Variants in NAV2 observed in about 807,000 individuals in gnomAD.
The protein encoded by NAV2 is helicase, APC down-regulated 1.
NAV2 carries 54 observed loss-of-function variants against 223.2 expected under a neutral mutation model. The observed-to-expected ratio is 0.24, with a 90% CI of 0.19 to 0.30. The LOEUF is 0.30. NAV2 is among the 10% of genes least tolerant of loss of function. The pLI is 1.00. For missense variants in NAV2, 2,806 were observed against 3,147.5 expected (o/e 0.89, Z 2.60); for synonymous variants, 1,279 against 1,239.3 (o/e 1.03, Z -0.67).
At chr11:19,954,686 C>T (rs969472662) in intron 10 of NAV2, among the ~76,000 whole-genome samples, 2 of 151,942 alleles carry the variant, frequency 1.3e-5, no homozygotes, top group Non-Finnish European at 2.9e-5. Flanking sequence ...TGTATAATAC[C>T]TTGTATCTTT....
intron 34 of NAV2, 102 bp from the exon 35 acceptor site, chr11:20,105,429 T>A: frequency 1.1e-6 from 1 of 906,702 alleles, no homozygotes; most frequent in Non-Finnish European, 1.7e-6. Context: ...ATTTGTTGCA[T>A]TAGCATATAC....
At chr11:19,977,089 G>A (rs970877148) in intron 10 of NAV2, among the ~76,000 whole-genome samples, 3 of 152,194 alleles carry the variant, frequency 2.0e-5, no homozygotes, top group Admixed American at 6.5e-5. Context: ...TAGGAAACTG[G>A]TTGGATTCTC....
intron 1 of NAV2, among the ~76,000 whole-genome samples, chr11:19,468,118 T>C (rs1590263878): frequency 6.6e-6 from 1 of 152,252 alleles, no homozygotes; most frequent in African/African-American, 2.4e-5. Flanking sequence ...GCATGGAGGT[T>C]CTTGAGTCAG....
At chr11:20,005,062 A>T (rs1181987412) in intron 11 of NAV2, among the ~76,000 whole-genome samples, 1 of 152,084 alleles carries the variant, frequency 6.6e-6, no homozygotes, top group Non-Finnish European at 1.5e-5. Context: ...GCAGAGCAGG[A>T]ACGGAAGTGT....
intron 19 of NAV2, among the ~76,000 whole-genome samples, chr11:20,059,905 C>T (rs1384227453): frequency 6.6e-6 from 1 of 152,196 alleles, no homozygotes; most frequent in Non-Finnish European, 1.5e-5. Flanking sequence ...TAGGCTCTGA[C>T]CTGGCTCAAT....
At chr11:19,461,417 G>T (rs1409613394) in intron 1 of NAV2, among the ~76,000 whole-genome samples, 4 of 152,214 alleles carry the variant, frequency 2.6e-5, no homozygotes, top group Non-Finnish European at 4.4e-5. Flanking sequence ...GAAAGAAGAG[G>T]TTTGGGACTT....
At chr11:19,765,509 G>A (rs1421239235) in intron 1 of NAV2, among the ~76,000 whole-genome samples, 1 of 149,406 alleles carries the variant, frequency 6.7e-6, no homozygotes, top group African/African-American at 2.5e-5. Flanking sequence ...CTTTAAAACT[G>A]GAGAAGCTGA....
chr11:19,656,372 C>G (rs894163491), intron 1 of NAV2, among the ~76,000 whole-genome samples: 1 of 152,174 alleles, frequency 6.6e-6, no homozygotes, highest in Non-Finnish European at 1.5e-5. Flanking sequence ...GCAGAAGGGC[C>G]ATCAAATGCA....
At chr11:19,861,491 G>A (rs1423196389) in intron 3 of NAV2, among the ~76,000 whole-genome samples, 8 of 152,178 alleles carry the variant, frequency 5.3e-5, no homozygotes, top group Non-Finnish European at 1.5e-5. Context: ...CGGTTGTTGG[G>A]CACATATTAA....
intron 33 of NAV2, 24 bp downstream of exon 33, chr11:20,103,433 T>G: frequency 6.2e-7 from 1 of 1,607,730 alleles, no homozygotes; most frequent in African/African-American, 1.3e-5. Context: ...CTGGACCTCA[T>G]AGCCCCCCGG....
At chr11:19,611,220 C>A (rs1285726244) in intron 1 of NAV2, among the ~76,000 whole-genome samples, 1 of 152,124 alleles carries the variant, frequency 6.6e-6, no homozygotes, top group Non-Finnish European at 1.5e-5. Flanking sequence ...CCCCATGATT[C>A]AATTACCTCC....
intron 1 of NAV2, among the ~76,000 whole-genome samples, chr11:19,608,804 C>A (rs1335761665): frequency 1.3e-5 from 2 of 152,196 alleles, no homozygotes; most frequent in Non-Finnish European, 2.9e-5. Context: ...TTCTGGAGGT[C>A]CGAGTTGAAA....
intron 1 of NAV2, among the ~76,000 whole-genome samples, chr11:19,689,801 A>C (rs995435842): frequency 3.3e-5 from 5 of 152,170 alleles, no homozygotes; most frequent in African/African-American, 1.2e-4. Context: ...ACATGGACAG[A>C]GTGTCTTTCC....
At chr11:19,913,991 G>T (rs1404744866) in intron 6 of NAV2, among the ~76,000 whole-genome samples, 1 of 152,200 alleles carries the variant, frequency 6.6e-6, no homozygotes, top group African/African-American at 2.4e-5. Context: ...CCGAGCCAGT[G>T]TTATTGCTGG....
At chr11:20,116,593 C>A (rs781107955) in intron 37 of NAV2, among the ~76,000 whole-genome samples, 1 of 152,194 alleles carries the variant, frequency 6.6e-6, no homozygotes, top group Non-Finnish European at 1.5e-5. Context: ...GCCAGCCCAT[C>A]CCTAAACAAT....
At chr11:19,507,749 T>A (rs2134202867) in intron 1 of NAV2, among the ~76,000 whole-genome samples, 1 of 152,344 alleles carries the variant, frequency 6.6e-6, no homozygotes, top group East Asian at 1.9e-4. Context: ...CTTCCATTTA[T>A]TGAAGGCTTC....
At chr11:19,688,384 T>C (rs1308623828) in intron 1 of NAV2, among the ~76,000 whole-genome samples, 1 of 152,184 alleles carries the variant, frequency 6.6e-6, no homozygotes, top group Non-Finnish European at 1.5e-5. Context: ...GTTCATCCCC[T>C]AACCCCACTG....
At chr11:20,091,139 C>G (rs919732180) in intron 27 of NAV2, 121 bp downstream of exon 27, 2 of 1,013,922 alleles carry the variant, frequency 2.0e-6, no homozygotes, top group East Asian at 2.5e-5. Context: ...CTTTCCCAGC[C>G]TTTATCTCTT....
intron 1 of NAV2, among the ~76,000 whole-genome samples, chr11:19,703,606 A>C (rs1027689669): frequency 1.3e-5 from 2 of 152,210 alleles, no homozygotes; most frequent in African/African-American, 4.8e-5. Flanking sequence ...GGGCAGCTGG[A>C]CTGGCTGAGT....
Sources: gnomAD v4.1 joint callset for allele counts (sites outside exome capture counted in the v4.1 genomes callset) on GRCh38, gnomAD v4.1.1 for gene constraint, MANE v1.5 for transcripts, NCBI Gene and HGNC (gene_info 2026-07-23, HGNC 2026-07-21) for gene names.